Variants in HS3ST4 observed in about 807,000 individuals in gnomAD.
HS3ST4 encodes heparan sulfate glucosamine 3-O-sulfotransferase 4.
A neutral mutation model predicts 29.2 loss-of-function variants in HS3ST4; 17 were observed. The observed-to-expected ratio is 0.58, with a 90% CI of 0.40 to 0.87. HS3ST4 has a LOEUF of 0.87. Among genes scored for constraint, HS3ST4 ranks in the 40% least tolerant of loss-of-function variants. The pLI is 0.00. For missense variants in HS3ST4, 627 were observed against 634.5 expected, an observed-to-expected ratio of 0.99 and a Z score of 0.13; for synonymous variants, 314 against 285.7, an observed-to-expected ratio of 1.10 and a Z score of -1.00.
At chr16:25,771,169 G>A (rs1000266706) in intron 1 of HS3ST4, among the ~76,000 whole-genome samples, 2 of 152,088 alleles carry the variant, frequency 1.3e-5, no homozygotes, top group Admixed American at 6.6e-5. Flanking sequence ...GCTCCAGTAT[G>A]TGATGTTCCC....
intron 1 of HS3ST4, among the ~76,000 whole-genome samples, chr16:25,838,623 T>C (rs1307257124): frequency 1.3e-5 from 2 of 152,212 alleles, no homozygotes; most frequent in African/African-American, 4.8e-5. Context: ...TGGGTTTATT[T>C]CTCACGCTCT....
intron 1 of HS3ST4, among the ~76,000 whole-genome samples, chr16:25,849,561 G>A (rs1464770003): frequency 6.6e-6 from 1 of 152,132 alleles, no homozygotes; most frequent in African/African-American, 2.4e-5. Context: ...CACCTAGGCA[G>A]TCATGGCTCA....
Position 25,996,007 on chromosome 16 carries a change from A to G in HS3ST4, c.735-139605A>G, listed in dbSNP as rs1230481789. ...TTATTTTGTTCTTCCTCCTTGAAAA[A>G]AAAAAAAAAAAGATAGCATTTGTAG... On this transcript the variant is annotated intron_variant, in intron 1 of 1. Transcript: ENST00000331351. Among the ~76,000 whole-genome samples, 3 of 152,132 alleles carry G rather than the reference A, an allele frequency of 2.0e-5. No individual in the cohort carries two copies. The East Asian group carries it at 5.8e-4, about 29-fold the overall frequency.
In HS3ST4 at chr16:25,692,447, T is replaced by TCCGCCC. The variant is rs1966259167; in HGVS notation, c.35_36insCCCGCC (p.Pro15_Pro16dup). On this transcript the variant is annotated inframe_insertion, in exon 1 of 2. Coordinates refer to ENST00000331351, the MANE Select transcript of HS3ST4 (RefSeq NM_006040.3). ...CCCGGTGGCCCGCACCTCCTCCGCC[T>TCCGCCC]CCGCCTCCGCCTCCACCTCTGGCCG... The TCCGCCC allele has an allele frequency of 8.0e-7, 1 of 1,255,096 alleles. No individual in the cohort carries two copies. The highest frequency in any genetic ancestry group is 3.7e-5 in the East Asian group (1 of 26,726). The allele number at this position is 1,255,096 out of a possible 1,614,324, so 77.7% of individuals were successfully genotyped here.
intron 1 of HS3ST4, among the ~76,000 whole-genome samples, chr16:25,761,077 C>T (rs145200291): frequency 5.3e-5 from 8 of 152,276 alleles, no homozygotes; most frequent in African/African-American, 1.9e-4. Context: ...CCATCAGACC[C>T]CAGAGCCAAA....
intron 1 of HS3ST4, among the ~76,000 whole-genome samples, chr16:26,079,812 C>T (rs1001154140): frequency 3.3e-5 from 5 of 152,146 alleles, no homozygotes; most frequent in Non-Finnish European, 7.3e-5. Flanking sequence ...CTATTTCAGA[C>T]AGTCTTAAAG....
chr16:25,795,067 G>T (rs1420152642), intron 1 of HS3ST4, among the ~76,000 whole-genome samples: 1 of 151,348 alleles, frequency 6.6e-6, no homozygotes, highest in Non-Finnish European at 1.5e-5. Flanking sequence ...CGCTTCCCGG[G>T]TTCAAGTGAT....
intron 1 of HS3ST4, among the ~76,000 whole-genome samples, chr16:26,024,891 A>G (rs943350674): frequency 2.6e-5 from 4 of 152,198 alleles, no homozygotes; most frequent in Middle Eastern, 3.2e-3. Context: ...AGTAAACCAA[A>G]AGCTGGATTA....
At chr16:25,794,909 A>G (rs1188078394) in intron 1 of HS3ST4, among the ~76,000 whole-genome samples, 3 of 58,016 alleles carry the variant, frequency 5.2e-5, no homozygotes, top group Non-Finnish European at 1.2e-4. Context: ...ACACACACAC[A>G]CACACACACA....
At chr16:25,780,367 C>T (rs1353271756) in intron 1 of HS3ST4, among the ~76,000 whole-genome samples, 1 of 152,132 alleles carries the variant, frequency 6.6e-6, no homozygotes, top group Non-Finnish European at 1.5e-5. Flanking sequence ...CCCAGTTTAG[C>T]CTCCATAGCT....
chr16:25,732,429 T>G (rs1250919772), intron 1 of HS3ST4, among the ~76,000 whole-genome samples: 2 of 152,234 alleles, frequency 1.3e-5, no homozygotes, highest in East Asian at 3.8e-4. Context: ...GGCTGACCTC[T>G]GTAGCTCTAC....
At chr16:26,106,769 G>A (rs1009962867) in intron 1 of HS3ST4, among the ~76,000 whole-genome samples, 1 of 152,206 alleles carries the variant, frequency 6.6e-6, no homozygotes, top group Non-Finnish European at 1.5e-5. Flanking sequence ...GATAAAGAGG[G>A]CAGAAAAGAT....
chr16:25,984,086 C>T (rs1969037155), intron 1 of HS3ST4, among the ~76,000 whole-genome samples: 1 of 152,084 alleles, frequency 6.6e-6, no homozygotes, highest in African/African-American at 2.4e-5. Context: ...TGTTCAGGGT[C>T]CTCCTTGTAG....
intron 1 of HS3ST4, among the ~76,000 whole-genome samples, chr16:25,753,538 A>G (rs1178429648): frequency 6.6e-6 from 1 of 151,544 alleles, no homozygotes; most frequent in Admixed American, 6.6e-5. Context: ...CTCTTTACGC[A>G]TTTGTGTTAC....
intron 1 of HS3ST4, among the ~76,000 whole-genome samples, chr16:25,790,586 C>T (rs1039660658): frequency 2.0e-5 from 3 of 152,136 alleles, no homozygotes; most frequent in African/African-American, 7.2e-5. Flanking sequence ...TTTAGCTTTT[C>T]CAGTGGTTGT....
intron 1 of HS3ST4, among the ~76,000 whole-genome samples, chr16:26,104,311 T>C (rs1899025100): frequency 6.6e-6 from 1 of 152,216 alleles, no homozygotes; most frequent in Admixed American, 6.5e-5. Flanking sequence ...ACTGCAGTTC[T>C]AGGCTTGTTG....
chr16:25,999,897 T>TTATATATATTATATTTATATTTTTA (rs1555477425), intron 1 of HS3ST4, among the ~76,000 whole-genome samples: 2 of 131,882 alleles, frequency 1.5e-5, no homozygotes, highest in Non-Finnish European at 3.1e-5. Flanking sequence ...TATATATATT[T>TTATATATATTATATTTATATTTTTA]TATATATATA....
chr16:25,700,028 C>G (rs898220838), intron 1 of HS3ST4, among the ~76,000 whole-genome samples: 1 of 152,020 alleles, frequency 6.6e-6, no homozygotes, highest in Non-Finnish European at 1.5e-5. Flanking sequence ...ACTGACGGCC[C>G]TAAAGAGAAA....
At chr16:25,817,129 G>T (rs1195937137) in intron 1 of HS3ST4, among the ~76,000 whole-genome samples, 1 of 152,226 alleles carries the variant, frequency 6.6e-6, no homozygotes, top group Admixed American at 6.5e-5. Flanking sequence ...CTAGCTGCAT[G>T]GCTTTGGCAG....
Sources: gnomAD v4.1 joint callset for allele counts (sites outside exome capture counted in the v4.1 genomes callset) on GRCh38, gnomAD v4.1.1 for gene constraint, MANE v1.5 for transcripts, NCBI Gene and HGNC (gene_info 2026-07-23, HGNC 2026-07-21) for gene names.